Variants in NEK1 observed in about 807,000 individuals in gnomAD.
NEK1 encodes the protein serine/threonine-protein kinase Nek1.
A neutral mutation model predicts 182.1 loss-of-function variants in NEK1; 137 were observed. The observed-to-expected ratio is 0.75, with a 90% CI of 0.65 to 0.87. The LOEUF (loss-of-function observed/expected upper bound fraction) is 0.87. NEK1 is among the 40% of genes least tolerant of loss of function. The probability of loss-of-function intolerance (pLI) is 0.00; values close to 1 mark genes in which losing one functional copy is unlikely to be tolerated. For synonymous variants in NEK1, 513 were observed against 492.2 expected (o/e 1.04, Z -0.56); for missense variants, 1,391 against 1,494.4 (o/e 0.93, Z 1.14).
At chr4:169,608,389 T>C (rs532357130) in intron 2 of NEK1, among the ~76,000 whole-genome samples, 28 of 152,298 alleles carry the variant, frequency 1.8e-4, no homozygotes, top group African/African-American at 6.3e-4. Context: ...GGTAGCCATG[T>C]GGGGAAAAAA....
At chr4:169,575,910 A>T (rs939935904) in intron 12 of NEK1, among the ~76,000 whole-genome samples, 2 of 151,652 alleles carry the variant, frequency 1.3e-5, no homozygotes, top group South Asian at 2.1e-4. Flanking sequence ...TGCATGCTTT[A>T]AAAAAAAAAT....
At chr4:169,607,657 G>A (rs189882193) in intron 2 of NEK1, among the ~76,000 whole-genome samples, 179 of 152,116 alleles carry the variant, frequency 1.2e-3, no homozygotes, top group African/African-American at 3.7e-3. Flanking sequence ...TAGAGATGGG[G>A]TTTCACCGTG....
chr4:169,557,261 T>A (rs11943164), intron 16 of NEK1, among the ~76,000 whole-genome samples: 2 of 150,768 alleles, frequency 1.3e-5, no homozygotes, highest in African/African-American at 4.9e-5. Flanking sequence ...TCTGCAGGAA[T>A]GACAAAGGAT....
intron 16 of NEK1, 144 bp from the exon 17 acceptor site, chr4:169,556,239 T>C: frequency 1.4e-6 from 1 of 694,542 alleles, no homozygotes; most frequent in Non-Finnish European, 2.2e-6. Context: ...ACATAAAGCC[T>C]AAAGCAAAAT....
At chr4:169,479,261 T>C (rs765506007) in intron 24 of NEK1, 142 bp downstream of exon 24, 2 of 756,240 alleles carry the variant, frequency 2.6e-6, no homozygotes, top group Non-Finnish European at 4.1e-6. Context: ...GTATTCTGAG[T>C]AAACTAAAAT....
intron 26 of NEK1, among the ~76,000 whole-genome samples, chr4:169,472,661 A>G (rs949024304): frequency 1.3e-5 from 2 of 152,168 alleles, no homozygotes; most frequent in African/African-American, 4.8e-5. Flanking sequence ...GCAATGGTCT[A>G]TTGCCTCAGA....
chr4:169,442,606 T>C (rs1025439787), intron 27 of NEK1, among the ~76,000 whole-genome samples: 1 of 152,098 alleles, frequency 6.6e-6, no homozygotes, highest in African/African-American at 2.4e-5. Flanking sequence ...AAAATAAATC[T>C]ACAAAATGCC....
chr4:169,595,990 T>C (rs935197686), intron 5 of NEK1, among the ~76,000 whole-genome samples: 3 of 150,088 alleles, frequency 2.0e-5, no homozygotes, highest in Admixed American at 6.6e-5. Context: ...GCCAGGAAAC[T>C]GTCCTGTTAT....
chr4:169,581,424 G>A (rs935366000), intron 10 of NEK1, among the ~76,000 whole-genome samples: 2 of 151,956 alleles, frequency 1.3e-5, no homozygotes, highest in Non-Finnish European at 2.9e-5. Context: ...GTGTCACCAT[G>A]CCAGGCTGAT....
At position 169,585,526 on chromosome 4, in the gene NEK1, G is replaced by A; in HGVS notation, c.630C>T (p.Asn210=). The A allele has an allele frequency of 6.2e-7, 1 of 1,612,106 alleles. No homozygotes were observed. Among genetic ancestry groups the A allele is most frequent in the Non-Finnish European group, 8.5e-7 (1 of 1,178,914 alleles). ...KHAFEAGSMK[N]LVLKIISGSF... The stretch of plus-strand genomic sequence containing the variant: ...ATCCAGATATTATCTTCAGTACCAG[G>A]TTTTTCATACTGCCAGCTTCAAACT... The change falls in exon 10 of 36, where the codon AAC becomes AAT. Residue 210 remains asparagine, a synonymous_variant. Transcript: ENST00000507142.
chr4:169,459,533 C>T lies in NEK1; in HGVS notation c.2587+3710G>A, dbSNP rs4260496. On this transcript the variant is annotated intron_variant, in intron 27 of 35. Coordinates refer to ENST00000507142, the MANE Select transcript of NEK1 (RefSeq NM_001199397.3). ...AGCAACTGTATTCCTCTGTATTCAC[C>T]CAAATGAATTGAAAACTTAAGTCCA... is the stretch of plus-strand genomic sequence containing the variant. Among the ~76,000 whole-genome samples, 604 of 152,202 alleles carry T rather than the reference C, an allele frequency of 4.0e-3. 5 individuals are homozygous for T. The highest frequency in any genetic ancestry group is 0.029 in the South Asian group (142 of 4,822).
At chr4:169,573,920 G>A (rs190457024) in intron 12 of NEK1, among the ~76,000 whole-genome samples, 1 of 151,618 alleles carries the variant, frequency 6.6e-6, no homozygotes, top group East Asian at 2.0e-4. Flanking sequence ...GCACTTTTTG[G>A]GCAGCCAAGG....
At chr4:169,508,160 TGTC>T (rs546548202) in intron 21 of NEK1, 85 bp downstream of exon 21, 6 of 1,133,066 alleles carry the variant, frequency 5.3e-6, no homozygotes, top group Non-Finnish European at 7.5e-6. Context: ...TTGTTGTTGT[TGTC>T]GTTGTTGTTA....
chr4:169,405,609 A>G lies in NEK1; in HGVS notation c.3374+987T>C, dbSNP rs118083125. Reference sequence around the variant, plus strand: ...CAGGAGTTGGAGGCTGCAGTGAGCTATCATCATGCCAGTGCACTCCAGCTT... The same window carrying G: ...CAGGAGTTGGAGGCTGCAGTGAGCTGTCATCATGCCAGTGCACTCCAGCTT... On this transcript the variant is annotated intron_variant, in intron 32 of 35. Transcript: ENST00000507142. Among the ~76,000 whole-genome samples the G allele has an allele frequency of 3.7e-3, 557 of 152,274 alleles. 13 individuals are homozygous for G. The East Asian group carries it at 0.056, about 15-fold the overall frequency.
At chr4:169,598,575 C>A (rs1352053668) in intron 5 of NEK1, among the ~76,000 whole-genome samples, 3 of 151,920 alleles carry the variant, frequency 2.0e-5, no homozygotes, top group African/African-American at 7.3e-5. Context: ...CGGTGCCTAA[C>A]ACAAAGCACA....
At chr4:169,530,562 C>A (rs1757513763) in intron 19 of NEK1, among the ~76,000 whole-genome samples, 2 of 151,926 alleles carry the variant, frequency 1.3e-5, no homozygotes, top group South Asian at 4.2e-4. Context: ...AGGTTAAGTG[C>A]AATAAATACA....
At chr4:169,481,596 T>C (rs1323393101) in intron 23 of NEK1, among the ~76,000 whole-genome samples, 1 of 151,052 alleles carries the variant, frequency 6.6e-6, no homozygotes, top group East Asian at 1.9e-4. Context: ...TTGGAAATAA[T>C]TTTTTTTTTC....
chr4:169,529,819 C>T (rs1757407890), intron 19 of NEK1, among the ~76,000 whole-genome samples: 1 of 152,118 alleles, frequency 6.6e-6, no homozygotes, highest in African/African-American at 2.4e-5. Flanking sequence ...ACATCATTAA[C>T]ATTTAGAGAA....
In NEK1 at chr4:169,562,162, C is replaced by G; in HGVS notation, c.1055G>C (p.Gly352Ala). 6.5e-7 allele frequency: 1 copy of G among 1,548,450 alleles called. No individual in the cohort carries two copies. Among genetic ancestry groups the G allele is most frequent in the Non-Finnish European group, 8.7e-7 (1 of 1,144,196 alleles). ...HQTPEKRVNT[G>A]EERRKISEEA... is the part of the protein sequence containing the mutation. ...CTCAGATATTTTCCTCCTTTCTTCT[C>G]CAGTATTCACTCTCTTCTCTGGAGT... Residue 352 changes from glycine (G) to alanine (A), a missense_variant, in exon 13 of 36, where the codon GGA (glycine) becomes GCA (alanine). Physicochemically the swap from Gly to Ala is moderately conservative, Grantham distance 60. Coordinates refer to ENST00000507142, the MANE Select transcript of NEK1 (RefSeq NM_001199397.3).
Sources: gnomAD v4.1 joint callset for allele counts (sites outside exome capture counted in the v4.1 genomes callset) on GRCh38, gnomAD v4.1.1 for gene constraint, MANE v1.5 for transcripts, NCBI Gene and HGNC (gene_info 2026-07-23, HGNC 2026-07-21) for gene names.